The following PAPPA2 variants were observed in gnomAD, a reference collection of about 807,000 sequenced individuals.
PAPPA2 encodes the protein pappalysin 2, also known as pappalysin-2.
A neutral mutation model predicts 176.4 loss-of-function variants in PAPPA2; 86 were observed. The ratio of observed to expected loss-of-function variants is 0.49; its 90% CI spans 0.41 to 0.58. PAPPA2 has a LOEUF of 0.58. PAPPA2 is among the 20% of genes least tolerant of loss of function. PAPPA2 has a pLI of 0.00. For synonymous variants in PAPPA2, 809 were observed against 852.2 expected, an observed-to-expected ratio of 0.95 and a Z score of 0.88; for missense variants, 2,073 against 2,256.9, an observed-to-expected ratio of 0.92 and a Z score of 1.65.
At chr1:176,483,756 A>G (rs1192415349) in intron 1 of PAPPA2, among the ~76,000 whole-genome samples, 7 of 152,074 alleles carry the variant, frequency 4.6e-5, no homozygotes, top group African/African-American at 1.7e-4. Flanking sequence ...GGCATGAGCC[A>G]CCACACCCAG....
intron 1 of PAPPA2, among the ~76,000 whole-genome samples, chr1:176,551,891 G>T (rs1346071539): frequency 6.6e-6 from 1 of 152,190 alleles, no homozygotes; most frequent in African/African-American, 2.4e-5. Flanking sequence ...AAAGGTGAAA[G>T]AAAGAAGGTG....
chr1:176,633,585 C>G (rs1476058461), intron 3 of PAPPA2, among the ~76,000 whole-genome samples: 1 of 152,100 alleles, frequency 6.6e-6, no homozygotes, highest in Non-Finnish European at 1.5e-5. Context: ...CCAGATTTGA[C>G]AGATGAAGAA....
chr1:176,465,388 C>A (rs908132723), intron 1 of PAPPA2, among the ~76,000 whole-genome samples: 1 of 152,206 alleles, frequency 6.6e-6, no homozygotes, highest in East Asian at 1.9e-4. Context: ...TTTCACAGGT[C>A]TCCCTATACT....
chr1:176,522,630 T>TTCTC (rs891227974), intron 1 of PAPPA2, among the ~76,000 whole-genome samples: 1 of 152,186 alleles, frequency 6.6e-6, no homozygotes, highest in African/African-American at 2.4e-5. Context: ...CCCAGTGCTG[T>TTCTC]TCTCTCTCTC....
At chr1:176,662,042 G>T (rs185525545) in intron 3 of PAPPA2, among the ~76,000 whole-genome samples, 2 of 152,216 alleles carry the variant, frequency 1.3e-5, no homozygotes, top group Admixed American at 6.5e-5. Context: ...AACAAGAGCC[G>T]TGTCTTCTGT....
chr1:176,712,312 G>GC (rs574424789), intron 12 of PAPPA2, among the ~76,000 whole-genome samples: 4 of 151,880 alleles, frequency 2.6e-5, no homozygotes, highest in South Asian at 2.1e-4. Context: ...TCACATCACT[G>GC]CCCCCCCTCC....
chr1:176,475,347 G>C (rs772095383), intron 1 of PAPPA2, among the ~76,000 whole-genome samples: 1 of 152,174 alleles, frequency 6.6e-6, no homozygotes, highest in Non-Finnish European at 1.5e-5. Context: ...CCTAGCATAG[G>C]TGAGGAGTTT....
At chr1:176,622,104 C>T (rs981186376) in intron 3 of PAPPA2, among the ~76,000 whole-genome samples, 11 of 152,032 alleles carry the variant, frequency 7.2e-5, no homozygotes, top group Admixed American at 4.6e-4. Context: ...CATGAAATAT[C>T]AGCTATCTGT....
chr1:176,538,355 T>A (rs1024886907), intron 1 of PAPPA2, among the ~76,000 whole-genome samples: 1 of 152,222 alleles, frequency 6.6e-6, no homozygotes, highest in Non-Finnish European at 1.5e-5. Flanking sequence ...TGGTCAGTGC[T>A]GTACTTTCTC....
intron 17 of PAPPA2, among the ~76,000 whole-genome samples, chr1:176,773,776 G>A (rs915949653): frequency 6.6e-6 from 1 of 152,078 alleles, no homozygotes; most frequent in African/African-American, 2.4e-5. Flanking sequence ...TTAAAGGAAG[G>A]AAACAATTAC....
chr1:176,519,945 G>A (rs1193985094), intron 1 of PAPPA2, among the ~76,000 whole-genome samples: 6 of 152,164 alleles, frequency 3.9e-5, no homozygotes, highest in Admixed American at 3.3e-4. Context: ...AAGGAGCAGA[G>A]AAGTTAGCAC....
intron 1 of PAPPA2, among the ~76,000 whole-genome samples, chr1:176,490,008 G>A (rs1211711871): frequency 6.6e-6 from 1 of 152,140 alleles, no homozygotes; most frequent in Non-Finnish European, 1.5e-5. Context: ...CTTGTTCTAT[G>A]CCAGCTAGAC....
At chr1:176,577,699 A>G (rs1652731990) in intron 2 of PAPPA2, among the ~76,000 whole-genome samples, 1 of 149,618 alleles carries the variant, frequency 6.7e-6, no homozygotes, top group Non-Finnish European at 1.5e-5. Flanking sequence ...TATTCCCCTC[A>G]TGCTCTCTCT....
intron 1 of PAPPA2, among the ~76,000 whole-genome samples, chr1:176,533,767 T>C (rs964558745): frequency 6.6e-6 from 1 of 152,206 alleles, no homozygotes; most frequent in Non-Finnish European, 1.5e-5. Context: ...TCAGCAATTT[T>C]AACAAGCTGT....
chr1:176,769,465 G>T (rs1664121025), intron 15 of PAPPA2, 142 bp from the exon 16 acceptor site: 1 of 777,508 alleles, frequency 1.3e-6, no homozygotes, highest in Non-Finnish European at 2.1e-6. Flanking sequence ...AAACAGTGAG[G>T]CCTGAAGAGG....
At chr1:176,623,998 G>A (rs1469712616) in intron 3 of PAPPA2, among the ~76,000 whole-genome samples, 1 of 151,788 alleles carries the variant, frequency 6.6e-6, no homozygotes, top group East Asian at 1.9e-4. Flanking sequence ...ATGCCACCAT[G>A]TCCAGCTAAA....
intron 1 of PAPPA2, among the ~76,000 whole-genome samples, chr1:176,487,801 G>A (rs936820366): frequency 7.2e-5 from 11 of 152,146 alleles, no homozygotes; most frequent in African/African-American, 2.7e-4. Flanking sequence ...AATAACACAA[G>A]AGAAGCAATA....
In PAPPA2 at chr1:176,556,222, A is replaced by G; in HGVS notation, c.-101A>G. 1 of 1,331,820 alleles carries G rather than the reference A, an allele frequency of 7.5e-7. No individual in the cohort carries two copies. The highest frequency in any genetic ancestry group is 1.0e-6 in the Non-Finnish European group (1 of 973,700). 82.5% of individuals were successfully genotyped at this position (1,331,820 alleles called of 1,614,324 possible). ...TGTGAACAAAACAGTTTCCCTGGTG[A>G]CTGCAAATCCATTGCTAGCTGCCTC... On this transcript the variant is annotated 5_prime_UTR_variant, in exon 2 of 23. Transcript: ENST00000367662.
chr1:176,750,810 T>C (rs934704200), intron 14 of PAPPA2, among the ~76,000 whole-genome samples: 4 of 152,220 alleles, frequency 2.6e-5, no homozygotes, highest in African/African-American at 9.6e-5. Flanking sequence ...ACATATAAAA[T>C]TTGAGTCAAG....
Sources: allele counts gnomAD v4.1 joint callset (sites outside exome capture counted in the v4.1 genomes callset), GRCh38; gene constraint gnomAD v4.1.1; transcripts MANE v1.5; gene names NCBI Gene and HGNC (gene_info 2026-07-23, HGNC 2026-07-21).